ZNF385D: variants seen among roughly 807,000 people sequenced by gnomAD.
The protein encoded by ZNF385D is zinc finger protein 385D, also known as zinc finger protein 659.
Under a neutral mutation model 35.8 loss-of-function variants are expected in ZNF385D, and 15 were observed. That is an observed-to-expected ratio of 0.42 (90% CI 0.28 to 0.64). The LOEUF is 0.64. Among genes scored for constraint, ZNF385D ranks in the 30% least tolerant of loss-of-function variants. ZNF385D has a pLI of 0.23. For missense variants in ZNF385D, 474 were observed against 494.6 expected, an observed-to-expected ratio of 0.96 and a Z score of 0.39; for synonymous variants, 212 against 186.8, an observed-to-expected ratio of 1.13 and a Z score of -1.10.
intron 3 of ZNF385D, among the ~76,000 whole-genome samples, chr3:21,835,193 G>C (rs1695253422): frequency 6.6e-6 from 1 of 151,160 alleles, no homozygotes; most frequent in South Asian, 2.1e-4. Context: ...AAAACCAAGA[G>C]ATGCTCAACA....
At chr3:21,883,138 A>G (rs934787567) in intron 3 of ZNF385D, among the ~76,000 whole-genome samples, 27 of 152,004 alleles carry the variant, frequency 1.8e-4, no homozygotes, top group African/African-American at 6.5e-4. Context: ...TGCAGATAAG[A>G]CTATTATCTA....
chr3:22,162,062 A>T (rs1285628069), intron 3 of ZNF385D, among the ~76,000 whole-genome samples: 1 of 152,140 alleles, frequency 6.6e-6, no homozygotes. Flanking sequence ...AAGTACTTGG[A>T]ACAGTTGATG....
At position 22,009,631 on chromosome 3, in the gene ZNF385D, AAAT is replaced by A. The variant is rs1314577901; in HGVS notation, c.325+159183_325+159185del. Among the ~76,000 whole-genome samples, 61 of 58,914 alleles carry A rather than the reference AAAT, an allele frequency of 1.0e-3. 2 individuals carry two copies. In the South Asian group the frequency reaches 0.014, roughly 13 times the overall value. The allele number at this position is 58,914 out of a possible 152,430, so 38.6% of individuals were successfully genotyped here. On this transcript the variant is annotated intron_variant, in intron 3 of 5. Coordinates refer to the ZNF385D transcript ENST00000494108. ...GAGTGAGACTCTGTCTCAAAAAAAA[AAAT>A]AAAAAAAAAAAAGATTCAATGAGAA...
chr3:21,746,380 G>C (rs1427129233), intron 1 of ZNF385D, among the ~76,000 whole-genome samples: 1 of 152,172 alleles, frequency 6.6e-6, no homozygotes, highest in Admixed American at 6.5e-5. Context: ...ATCAAATTTG[G>C]AATTTGGCTT....
At chr3:21,991,401 T>C (rs1458066483) in intron 3 of ZNF385D, among the ~76,000 whole-genome samples, 1 of 152,184 alleles carries the variant, frequency 6.6e-6, no homozygotes, top group Non-Finnish European at 1.5e-5. Context: ...ATTTTCTAAG[T>C]ATAAACTGGA....
chr3:22,199,332 G>C (rs552693034), intron 2 of ZNF385D, among the ~76,000 whole-genome samples: 73 of 152,116 alleles, frequency 4.8e-4, no homozygotes, highest in African/African-American at 1.7e-3. Flanking sequence ...AACATGATTT[G>C]AATGTTTTAT....
intron 1 of ZNF385D, among the ~76,000 whole-genome samples, chr3:21,720,251 C>T (rs1279771679): frequency 6.6e-6 from 1 of 152,134 alleles, no homozygotes; most frequent in Non-Finnish European, 1.5e-5. Flanking sequence ...TCGTCATCAT[C>T]GGGAAACTTG....
At chr3:22,015,726 T>TA (rs976330474) in intron 3 of ZNF385D, among the ~76,000 whole-genome samples, 2 of 152,044 alleles carry the variant, frequency 1.3e-5, no homozygotes, top group African/African-American at 4.8e-5. Context: ...TTTACTACCA[T>TA]AGTATGTTCT....
chr3:21,487,239 C>T (rs1368860002), intron 4 of ZNF385D, among the ~76,000 whole-genome samples: 5 of 152,106 alleles, frequency 3.3e-5, no homozygotes, highest in Non-Finnish European at 1.5e-5. Flanking sequence ...AACTCTTTAA[C>T]ATTCCATAAA....
chr3:22,198,345 G>C (rs1008257796), intron 2 of ZNF385D, among the ~76,000 whole-genome samples: 6 of 152,020 alleles, frequency 3.9e-5, no homozygotes, highest in African/African-American at 1.2e-4. Flanking sequence ...AAACATATTA[G>C]GATTGACTTG....
rs140995259 is a variant in ZNF385D at position 22,338,220 on chromosome 3, C to T, written c.106+34230G>A. Among the ~76,000 whole-genome samples, 68 of 152,228 alleles carry T rather than the reference C, an allele frequency of 4.5e-4. 1 individual carries two copies. Among genetic ancestry groups the T allele is most frequent in the African/African-American group, 1.3e-3 (52 of 41,544 alleles). ...TTATCTCAATGTTTTCCTTATACTT[C>T]GGTGCAGACTTAGTTTTATGTACAG... On this transcript the variant is annotated intron_variant, in intron 2 of 5. Coordinates refer to the ZNF385D transcript ENST00000494108.
rs112287553 is a variant in ZNF385D at position 21,990,076 on chromosome 3, C to T, written c.325+178741G>A. Among the ~76,000 whole-genome samples, 25 of 152,304 alleles carry T rather than the reference C, an allele frequency of 1.6e-4. 1 individual carries two copies. The highest frequency in any genetic ancestry group is 5.1e-4 in the African/African-American group (21 of 41,574). On this transcript the variant is annotated intron_variant, in intron 3 of 5. Transcript: ENST00000494108. The stretch of plus-strand genomic sequence containing the variant: ...TTACCCTGACTCCAAATGCAAGATT[C>T]TGCTATTGTTTCACAGGGCCTTTGT...
intron 1 of ZNF385D, among the ~76,000 whole-genome samples, chr3:21,689,794 C>T (rs907175361): frequency 6.6e-6 from 1 of 151,424 alleles, no homozygotes; most frequent in Non-Finnish European, 1.5e-5. Context: ...CCAGGCGATA[C>T]TGATGCTACT....
At chr3:21,530,439 A>T (rs1437601364) in intron 3 of ZNF385D, among the ~76,000 whole-genome samples, 1 of 152,164 alleles carries the variant, frequency 6.6e-6, no homozygotes, top group Non-Finnish European at 1.5e-5. Flanking sequence ...ACTATATCAC[A>T]TTAGAACATT....
chr3:21,818,984 A>G (rs981059522), intron 3 of ZNF385D, among the ~76,000 whole-genome samples: 4 of 152,012 alleles, frequency 2.6e-5, no homozygotes, highest in African/African-American at 7.2e-5. Flanking sequence ...AAACAAAAGT[A>G]AAATTATGGT....
At chr3:21,470,250 A>G (rs1703798378) in intron 4 of ZNF385D, among the ~76,000 whole-genome samples, 1 of 152,164 alleles carries the variant, frequency 6.6e-6, no homozygotes, top group Admixed American at 6.6e-5. Context: ...CACATTATGA[A>G]CAACCTTTTC....
intron 3 of ZNF385D, among the ~76,000 whole-genome samples, chr3:21,962,799 T>G (rs1702669448): frequency 6.6e-6 from 1 of 152,194 alleles, no homozygotes; most frequent in African/African-American, 2.4e-5. Flanking sequence ...TAAAGTTGTT[T>G]CCTGATGAGG....
chr3:21,576,907 G>A (rs74285119), intron 2 of ZNF385D, among the ~76,000 whole-genome samples: 3,610 of 152,186 alleles, frequency 0.024, 103 homozygotes, highest in South Asian at 0.11. Context: ...TATTTATGGG[G>A]TAACATTGTG....
chr3:21,929,299 T>TA (rs980752954), intron 3 of ZNF385D, among the ~76,000 whole-genome samples: 1 of 151,950 alleles, frequency 6.6e-6, no homozygotes, highest in Non-Finnish European at 1.5e-5. Context: ...AACTAGGGAT[T>TA]AAAAAAAGAA....
Sources: allele counts gnomAD v4.1 joint callset (sites outside exome capture counted in the v4.1 genomes callset), GRCh38; gene constraint gnomAD v4.1.1; transcripts MANE v1.5; gene names NCBI Gene and HGNC (gene_info 2026-07-23, HGNC 2026-07-21).